INTS15: variants seen among roughly 807,000 people sequenced by gnomAD.
The protein encoded by INTS15 is uncharacterized protein C7orf26.
the INTS15 span, among the ~76,000 whole-genome samples, chr7:6,594,183 T>C: frequency 2.0e-5 from 3 of 151,416 alleles, no homozygotes; most frequent in East Asian, 3.9e-4. Context: ...TAATTTTGTA[T>C]TTTTAGTAGA....
the INTS15 span, chr7:6,594,672 C>T: frequency 9.1e-6 from 13 of 1,428,980 alleles, no homozygotes; most frequent in Admixed American, 1.8e-4. Context: ...CACTGAATAC[C>T]CAGGTGAAGT....
At chr7:6,599,770 C>A in the INTS15 span, 1 of 1,549,440 alleles carries the variant, frequency 6.5e-7, no homozygotes, top group Non-Finnish European at 8.8e-7. Flanking sequence ...CCTCTCTCCA[C>A]TTCCCGCCCC....
At chr7:6,596,590 G>A in the INTS15 span, among the ~76,000 whole-genome samples, 1 of 151,444 alleles carries the variant, frequency 6.6e-6, no homozygotes, top group East Asian at 1.9e-4. Flanking sequence ...TGTTGGCCAG[G>A]TTGGTCTTGA....
At chr7:6,600,300 G>T in the INTS15 span, 3 of 1,614,028 alleles carry the variant, frequency 1.9e-6, no homozygotes, top group Non-Finnish European at 1.7e-6. Flanking sequence ...TCGCTGGACC[G>T]GCTGGCGCAG....
chr7:6,594,316 CT>C, the INTS15 span: 96 of 1,030,436 alleles, frequency 9.3e-5, no homozygotes, highest in Non-Finnish European at 1.1e-4. Flanking sequence ...CCATTAACAT[CT>C]TTTTTTTGTC....
the INTS15 span, chr7:6,602,802 C>G: frequency 2.1e-6 from 1 of 468,230 alleles, no homozygotes; most frequent in Non-Finnish European, 4.4e-6. Context: ...CGGGCCTTGC[C>G]ACTTCCAAAA....
the INTS15 span, chr7:6,602,519 C>A: frequency 2.6e-5 from 10 of 383,026 alleles, no homozygotes; most frequent in Non-Finnish European, 5.3e-5. Flanking sequence ...GCTGCCAGCG[C>A]TTGGCCATCA....
chr7:6,605,247 C>T, the INTS15 span, among the ~76,000 whole-genome samples: 1 of 152,248 alleles, frequency 6.6e-6, no homozygotes, highest in Non-Finnish European at 1.5e-5. Flanking sequence ...TCTCGGCCTC[C>T]CAGAGTGCTG....
At chr7:6,594,516 A>C in the INTS15 span, 5 of 1,614,016 alleles carry the variant, frequency 3.1e-6, no homozygotes, top group Non-Finnish European at 4.2e-6. Context: ...ATCCATTCAG[A>C]CGCTGAAGCA....
chr7:6,591,260 C>T, the INTS15 span, among the ~76,000 whole-genome samples: 2 of 148,408 alleles, frequency 1.3e-5, no homozygotes, highest in East Asian at 2.0e-4. Flanking sequence ...CTGTTATTTC[C>T]TGTTTTTCTT....
At chr7:6,606,890 G>A in the INTS15 span, among the ~76,000 whole-genome samples, 1 of 152,010 alleles carries the variant, frequency 6.6e-6, no homozygotes, top group African/African-American at 2.4e-5. Flanking sequence ...TTTATTTTCT[G>A]TGGAGATAGG....
the INTS15 span, among the ~76,000 whole-genome samples, chr7:6,607,136 T>C: frequency 6.6e-6 from 1 of 151,432 alleles, no homozygotes; most frequent in East Asian, 2.0e-4. The surrounding 1 kb of genome is among the most constrained non-coding windows in gnomAD (Gnocchi z 6.0). Flanking sequence ...TGGGGGATCA[T>C]CCTGGGGAGG....
At chr7:6,602,018 A>G in the INTS15 span, 15 of 1,255,972 alleles carry the variant, frequency 1.2e-5, no homozygotes, top group Admixed American at 1.3e-4. Context: ...CTGTCTTGCT[A>G]GCATCCTTGC....
At chr7:6,607,415 A>G in the INTS15 span, 1 of 510,044 alleles carries the variant, frequency 2.0e-6, no homozygotes, top group Non-Finnish European at 2.9e-6. This position sits in a 1 kb window ranked among gnomAD's most constrained non-coding sequence, Gnocchi z 6.0. Context: ...GAGTGGGGGC[A>G]TCTGAAGCTG....
At chr7:6,597,928 C>T in the INTS15 span, among the ~76,000 whole-genome samples, 1 of 152,156 alleles carries the variant, frequency 6.6e-6, no homozygotes, top group Non-Finnish European at 1.5e-5. Flanking sequence ...ATTATATCCC[C>T]CCTTTCCTGG....
chr7:6,600,166 C>G, the INTS15 span: 5 of 1,614,210 alleles, frequency 3.1e-6, no homozygotes, highest in Middle Eastern at 1.6e-4. Flanking sequence ...TGCACCTGAC[C>G]GAGAAGAATC....
chr7:6,595,770 A>G, the INTS15 span, among the ~76,000 whole-genome samples: 1 of 151,468 alleles, frequency 6.6e-6, no homozygotes, highest in African/African-American at 2.4e-5. Context: ...TAGCCTCAAA[A>G]CTCTTAGGCT....
At chr7:6,603,192 G>T in the INTS15 span, among the ~76,000 whole-genome samples, 1 of 152,092 alleles carries the variant, frequency 6.6e-6, no homozygotes, top group Admixed American at 6.6e-5. Context: ...GGAGGTTTCA[G>T]TGAGCCAAGA....
chr7:6,608,441 C>T, the INTS15 span: 20 of 1,314,056 alleles, frequency 1.5e-5, no homozygotes, highest in African/African-American at 2.5e-4. Flanking sequence ...CTGCGCATTT[C>T]AGACACAGCC....
Sources: gnomAD v4.1 joint callset for allele counts (sites outside exome capture counted in the v4.1 genomes callset) on GRCh38, gnomAD v4.1.1 for gene constraint, Gnocchi (gnomAD v3.1) non-coding constraint, MANE v1.5 for transcripts, NCBI Gene and HGNC (gene_info 2026-07-23, HGNC 2026-07-21) for gene names.